Variants in UGT1A8 observed in about 807,000 individuals in gnomAD.
UGT1A8 encodes UDP glucuronosyltransferase family 1 member A8.
In UGT1A8, 39 loss-of-function variants were observed where a neutral mutation model predicts 45.3. The ratio of observed to expected loss-of-function variants is 0.86; its 90% CI spans 0.67 to 1.12. UGT1A8 has a LOEUF of 1.12. Ranked by LOEUF, UGT1A8 falls within the 50% of genes most tolerant of loss-of-function variation. UGT1A8 has a pLI of 0.00. For missense variants in UGT1A8, 719 were observed against 664.9 expected (o/e 1.08, Z -0.90); for synonymous variants, 275 against 249.2 (o/e 1.10, Z -0.97).
chr2:233,743,534 T>C, intron 1 of UGT1A8: 1 of 1,367,218 alleles, frequency 7.3e-7, no homozygotes, highest in Non-Finnish European at 9.8e-7. Flanking sequence ...CCCCAGCAGT[T>C]CCTCTGACCC....
chr2:233,720,776 G>A (rs569960725), intron 1 of UGT1A8, among the ~76,000 whole-genome samples: 7 of 148,022 alleles, frequency 4.7e-5, no homozygotes, highest in Admixed American at 2.0e-4. Flanking sequence ...CCGGATCTCC[G>A]CTCACTGCAA....
intron 1 of UGT1A8, among the ~76,000 whole-genome samples, chr2:233,688,114 C>T (rs2125539013): frequency 6.6e-6 from 1 of 152,300 alleles, no homozygotes; most frequent in Middle Eastern, 3.4e-3. Context: ...TCTTCTACCC[C>T]TCAGCACTAA....
At chr2:233,641,284 A>G (rs750265742) in intron 1 of UGT1A8, among the ~76,000 whole-genome samples, 33 of 152,200 alleles carry the variant, frequency 2.2e-4, no homozygotes, top group Non-Finnish European at 4.0e-4. Flanking sequence ...GCCACCCATG[A>G]CAGTTACCAT....
At chr2:233,711,610 G>C (rs1267799055) in intron 1 of UGT1A8, among the ~76,000 whole-genome samples, 1 of 152,160 alleles carries the variant, frequency 6.6e-6, no homozygotes, top group Non-Finnish European at 1.5e-5. Flanking sequence ...GCGCCCTCTG[G>C]TGGACAGCTC....
intron 1 of UGT1A8, among the ~76,000 whole-genome samples, chr2:233,667,238 A>G (rs1032850676): frequency 2.0e-5 from 3 of 152,188 alleles, no homozygotes; most frequent in African/African-American, 7.2e-5. Context: ...GACTTCCACA[A>G]TGGTTGAACT....
intron 1 of UGT1A8, chr2:233,718,803 T>G: frequency 6.2e-7 from 1 of 1,613,256 alleles, no homozygotes; most frequent in Non-Finnish European, 8.5e-7. Flanking sequence ...CAGTCAGCTG[T>G]CGGTGGCTTC....
rs777189828 is a variant in UGT1A8 at position 233,672,004 on chromosome 2, G to A, written c.855+53442G>A. 1.3e-5 allele frequency: 21 copies of A among 1,613,992 alleles called. No individual in the cohort carries two copies. The highest frequency in any genetic ancestry group is 1.6e-4 in the Middle Eastern group (1 of 6,080). ...TCTGCTGCTGACCTGTGGCTTTGCC[G>A]AGGCAGGGAAGCTACTGGTAGTGCC... On this transcript the variant is annotated intron_variant, in intron 1 of 4. Transcript: ENST00000373450.
chr2:233,625,129 T>C (rs1488312998), intron 1 of UGT1A8, among the ~76,000 whole-genome samples: 1 of 152,022 alleles, frequency 6.6e-6, no homozygotes, highest in African/African-American at 2.4e-5. Flanking sequence ...TCCTGTATTA[T>C]TACAATAAAG....
intron 1 of UGT1A8, among the ~76,000 whole-genome samples, chr2:233,651,567 A>G (rs1022541784): frequency 6.6e-6 from 1 of 152,234 alleles, no homozygotes; most frequent in African/African-American, 2.4e-5. Context: ...GATATCAAAG[A>G]GTGCCCTTTG....
Position 233,719,565 on chromosome 2 carries a change from G to C in UGT1A8, c.856-47469G>C, listed in dbSNP as rs1369586319. The C allele has an allele frequency of 1.5e-5, 24 of 1,613,790 alleles. No individual in the cohort carries two copies. The highest frequency in any genetic ancestry group is 1.9e-5 in the Non-Finnish European group (23 of 1,179,874). ...GAGAGAGGTGTCAGTGGTGGATCTT[G>C]TCAGCTATGCATCCGTGTGGCTGTT... On this transcript the variant is annotated intron_variant, in intron 1 of 4. Coordinates refer to ENST00000373450, the MANE Select transcript of UGT1A8 (RefSeq NM_019076.5).
chr2:233,734,937 T>C lies in UGT1A8; in HGVS notation c.856-32097T>C, dbSNP rs140853448. 9.9e-3 allele frequency among the ~76,000 whole-genome samples: 1,505 copies of C among 152,312 alleles called. 23 individuals are homozygous for C. Among genetic ancestry groups the C allele is most frequent in the African/African-American group, 0.035 (1,436 of 41,556 alleles). On this transcript the variant is annotated intron_variant, in intron 1 of 4. Coordinates refer to ENST00000373450, the MANE Select transcript of UGT1A8 (RefSeq NM_019076.5). ...CTAAGGAGTGCTTTACTTACAATCA[T>C]ATGGTCAGTTTTAGAATAAGTGTGA...
At chr2:233,674,415 TGTA>T (rs753049248) in intron 1 of UGT1A8, among the ~76,000 whole-genome samples, 3 of 152,116 alleles carry the variant, frequency 2.0e-5, no homozygotes, top group Non-Finnish European at 4.4e-5. Context: ...CTCCATTAAT[TGTA>T]GTAACAGGCA....
At chr2:233,634,921 T>C (rs532411705) in intron 1 of UGT1A8, among the ~76,000 whole-genome samples, 1 of 151,044 alleles carries the variant, frequency 6.6e-6, no homozygotes, top group South Asian at 2.1e-4. Flanking sequence ...ATTGGGTATG[T>C]TTGTGCAGTG....
intron 1 of UGT1A8, among the ~76,000 whole-genome samples, chr2:233,664,943 C>T (rs1409777530): frequency 1.3e-5 from 2 of 152,160 alleles, no homozygotes; most frequent in Non-Finnish European, 2.9e-5. Context: ...TAAAGATACT[C>T]TTTTTGGGAA....
chr2:233,636,914 G>A (rs777228086), intron 1 of UGT1A8: 2 of 1,614,086 alleles, frequency 1.2e-6, no homozygotes, highest in East Asian at 2.2e-5. Flanking sequence ...TTTAATGACC[G>A]AAAATTAGTA....
At chr2:233,621,684 C>CT (rs898162887) in intron 1 of UGT1A8, among the ~76,000 whole-genome samples, 14 of 152,084 alleles carry the variant, frequency 9.2e-5, no homozygotes, top group Admixed American at 6.6e-4. Flanking sequence ...TCATCTATCC[C>CT]TTTTTTCTGT....
intron 1 of UGT1A8, among the ~76,000 whole-genome samples, chr2:233,619,938 G>T (rs2072970321): frequency 6.6e-6 from 1 of 152,158 alleles, no homozygotes; most frequent in African/African-American, 2.4e-5. Context: ...TTGGTAGCTT[G>T]TGACTGAAAA....
At chr2:233,672,500 A>G (rs2125502287) in intron 1 of UGT1A8, 1 of 1,613,864 alleles carries the variant, frequency 6.2e-7, no homozygotes, top group Non-Finnish European at 8.5e-7. Context: ...CCTCTTTCCT[A>G]TGTCCCCAGA....
At chr2:233,772,125 C>T in intron 4 of UGT1A8, 137 bp from the exon 5 acceptor site, 1 of 1,536,166 alleles carries the variant, frequency 6.5e-7, no homozygotes, top group South Asian at 1.2e-5. Flanking sequence ...AAAACAACAA[C>T]AACAACAATA....
Sources: gnomAD v4.1 joint callset for allele counts (sites outside exome capture counted in the v4.1 genomes callset) on GRCh38, gnomAD v4.1.1 for gene constraint, MANE v1.5 for transcripts, NCBI Gene and HGNC (gene_info 2026-07-23, HGNC 2026-07-21) for gene names.